Variants in RUFY3 observed in about 807,000 individuals in gnomAD.
RUFY3 encodes protein RUFY3.
In RUFY3, 34 loss-of-function variants were observed where a neutral mutation model predicts 84.0. The observed-to-expected ratio is 0.40, with a 90% CI of 0.31 to 0.54. The LOEUF is 0.54. Among genes scored for constraint, RUFY3 ranks in the 20% least tolerant of loss-of-function variants. The pLI is 0.39. For synonymous variants in RUFY3, 242 were observed against 252.9 expected, an observed-to-expected ratio of 0.96 and a Z score of 0.41; for missense variants, 507 against 736.8, an observed-to-expected ratio of 0.69 and a Z score of 3.61.
chr4:70,790,031 G>A, intron 12 of RUFY3: 1 of 329,066 alleles, frequency 3.0e-6, no homozygotes, highest in South Asian at 1.2e-4. Flanking sequence ...GATCTATTCT[G>A]GATCTTTCTC....
intron 12 of RUFY3, chr4:70,789,795 C>A: frequency 2.5e-6 from 3 of 1,207,074 alleles, no homozygotes; most frequent in South Asian, 2.2e-5. Flanking sequence ...AATCACTTGA[C>A]TAGCCTTTAA....
intron 12 of RUFY3, chr4:70,789,981 T>C: frequency 1.3e-6 from 1 of 771,432 alleles, no homozygotes; most frequent in Non-Finnish European, 1.6e-6. Flanking sequence ...ACTTGGATGC[T>C]AGGGGATATA....
At position 70,724,420 on chromosome 4, in the gene RUFY3, T is replaced by C. The variant is rs183553784; in HGVS notation, c.178+1669T>C. ...TTTAACAATTTTAACACCTCAAATA[T>C]ATGTTTTTGGAGCAGGATTCCTATG... On this transcript the variant is annotated intron_variant, in intron 1 of 17. Coordinates refer to ENST00000381006, the MANE Select transcript of RUFY3 (RefSeq NM_001037442.4). 3.3e-5 allele frequency among the ~76,000 whole-genome samples: 5 copies of C among 152,342 alleles called. No individual in the cohort carries two copies. In the East Asian group the frequency reaches 9.6e-4, roughly 29 times the overall value.
intron 1 of RUFY3, among the ~76,000 whole-genome samples, chr4:70,725,598 T>C (rs1718108202): frequency 6.6e-6 from 1 of 152,216 alleles, no homozygotes; most frequent in African/African-American, 2.4e-5. Context: ...CCCAAAGTGC[T>C]GGGATTACAG....
At chr4:70,744,587 G>C (rs1395557624) in intron 1 of RUFY3, among the ~76,000 whole-genome samples, 2 of 151,828 alleles carry the variant, frequency 1.3e-5, no homozygotes, top group Admixed American at 6.6e-5. Context: ...GTGGGTTGCA[G>C]ATTTGAACTG....
At chr4:70,778,247 A>G in intron 7 of RUFY3, 122 bp from the exon 8 acceptor site, 1 of 406,426 alleles carries the variant, frequency 2.5e-6, no homozygotes, top group East Asian at 4.0e-5. Context: ...AATAATAATA[A>G]TAATAAAATA....
At chr4:70,730,555 A>G (rs150263784) in intron 1 of RUFY3, among the ~76,000 whole-genome samples, 556 of 148,288 alleles carry the variant, frequency 3.7e-3, no homozygotes, top group Non-Finnish European at 6.1e-3. Context: ...CCTGGCCAAC[A>G]TGGTGTACTA....
intron 17 of RUFY3, among the ~76,000 whole-genome samples, chr4:70,804,761 C>CAAAAAAAAAAAAAA (rs1186156048): frequency 1.3e-5 from 1 of 76,848 alleles, no homozygotes; most frequent in Admixed American, 1.6e-4. Context: ...ACTAAAAATA[C>CAAAAAAAAAAAAAA]AAAAAAAAAA....
At chr4:70,805,712 G>A (rs1219248782) in intron 17 of RUFY3, among the ~76,000 whole-genome samples, 1 of 152,166 alleles carries the variant, frequency 6.6e-6, no homozygotes, top group African/African-American at 2.4e-5. Context: ...TGCAATATTA[G>A]CTTCTGTATG....
chr4:70,775,637 A>T (rs1421062156), intron 7 of RUFY3, among the ~76,000 whole-genome samples: 1 of 152,174 alleles, frequency 6.6e-6, no homozygotes, highest in Non-Finnish European at 1.5e-5. Flanking sequence ...CACTCATTAC[A>T]TTAGTACCTT....
intron 8 of RUFY3, among the ~76,000 whole-genome samples, chr4:70,780,194 G>A (rs1314985713): frequency 6.6e-5 from 10 of 152,186 alleles, no homozygotes. Context: ...AAGCAGTACA[G>A]CATAGCAATT....
In RUFY3 at chr4:70,774,425, A is replaced by G. The variant is rs1444208466; in HGVS notation, c.759-743A>G. Among the ~76,000 whole-genome samples the G allele has an allele frequency of 2.7e-5, 4 of 150,258 alleles. No homozygotes were observed. The South Asian group carries it at 6.3e-4, about 24-fold the overall frequency. The stretch of plus-strand genomic sequence containing the variant: ...GGAGTTTGAGACCAGCCTGGCCAAC[A>G]TGGTGAAACCCCATCTCTACAATAA... On this transcript the variant is annotated intron_variant, in intron 6 of 17. Transcript: ENST00000381006.
At chr4:70,770,727 C>G (rs998957775) in intron 5 of RUFY3, among the ~76,000 whole-genome samples, 1 of 152,084 alleles carries the variant, frequency 6.6e-6, no homozygotes, top group Admixed American at 6.5e-5. Flanking sequence ...GCACTTAATT[C>G]CCTTCAAGCA....
At chr4:70,710,748 A>C (rs1740888390) in intron 1 of RUFY3, among the ~76,000 whole-genome samples, 1 of 151,470 alleles carries the variant, frequency 6.6e-6, no homozygotes, top group African/African-American at 2.4e-5. Context: ...TATTTATTAA[A>C]ATTTTTAATT....
chr4:70,792,448 G>T, intron 12 of RUFY3: 1 of 985,044 alleles, frequency 1.0e-6, no homozygotes, highest in Non-Finnish European at 1.2e-6. Flanking sequence ...CTGTTTCTAA[G>T]TGACCACAGA....
upstream of RUFY3, among the ~76,000 whole-genome samples, chr4:70,718,460 G>C (rs1741888200): frequency 6.6e-6 from 1 of 152,130 alleles, no homozygotes; most frequent in African/African-American, 2.4e-5. Context: ...TTTTGGATTT[G>C]AACTTCACAC....
upstream of RUFY3, among the ~76,000 whole-genome samples, chr4:70,717,696 G>A (rs148010415): frequency 5.9e-5 from 9 of 151,970 alleles, no homozygotes; most frequent in Admixed American, 1.3e-4. Context: ...GTTGCAGAGT[G>A]TAGAAGGAAC....
At chr4:70,801,019 G>A (rs1337486949) in intron 15 of RUFY3, among the ~76,000 whole-genome samples, 2 of 152,158 alleles carry the variant, frequency 1.3e-5, no homozygotes, top group African/African-American at 2.4e-5. Context: ...ATGATGAAGA[G>A]CATAGGATAG....
intron 1 of RUFY3, among the ~76,000 whole-genome samples, chr4:70,730,108 T>C (rs1423846541): frequency 3.3e-5 from 5 of 152,046 alleles, no homozygotes; most frequent in Admixed American, 3.3e-4. Context: ...CTAATTTCTG[T>C]ATTTTTAGTA....
Sources: gnomAD v4.1 joint callset for allele counts (sites outside exome capture counted in the v4.1 genomes callset) on GRCh38, gnomAD v4.1.1 for gene constraint, MANE v1.5 for transcripts, NCBI Gene and HGNC (gene_info 2026-07-23, HGNC 2026-07-21) for gene names.